The following TET2 variants were observed in gnomAD, a reference collection of about 807,000 sequenced individuals.
TET2 encodes tet methylcytosine dioxygenase 2.
In TET2, 299 loss-of-function variants were observed where a neutral mutation model predicts 142.9. The observed-to-expected ratio is 2.09, with a 90% CI of 1.90 to 2.30. The LOEUF is 2.30. TET2 is among the 30% of genes most tolerant of loss of function. TET2 has a pLI of 0.00. For synonymous variants in TET2, 819 were observed against 849.0 expected, an observed-to-expected ratio of 0.96 and a Z score of 0.61; for missense variants, 2,418 against 2,378.0, an observed-to-expected ratio of 1.02 and a Z score of -0.35.
rs1167258645 is a variant in TET2 at position 105,236,133 on chromosome 4, C to T, written c.2191C>T (p.Gln731Ter). The T allele has an allele frequency of 2.5e-6, 4 of 1,614,020 alleles. No individual in the cohort carries two copies. Among genetic ancestry groups the T allele is most frequent in the African/African-American group, 1.3e-5 (1 of 74,928 alleles). ...HKPHKQAAQT[Q>*]PSQSSHLPQN... ...GCCTCATAAACAGGCAGCACAAACA[C>T]AACCATCCCAGAGTTCACATCTCCC... Residue 731 changes from glutamine to a stop codon, truncating the protein, a stop_gained, in exon 3 of 11, where the codon CAA (glutamine) becomes TAA (stop). Coordinates refer to ENST00000380013, the MANE Select transcript of TET2 (RefSeq NM_001127208.3). LOFTEE classifies it high-confidence loss of function.
chr4:105,270,674 TTATA>T (rs3055846), intron 9 of TET2, among the ~76,000 whole-genome samples: 2,250 of 149,402 alleles, frequency 0.015, 60 homozygotes, highest in African/African-American at 0.049. Flanking sequence ...TAGATACATG[TTATA>T]TATATATATA....
At chr4:105,181,582 C>A (rs1329779203) in intron 1 of TET2, among the ~76,000 whole-genome samples, 1 of 152,180 alleles carries the variant, frequency 6.6e-6, no homozygotes, top group Non-Finnish European at 1.5e-5. Context: ...TTTAAAACTT[C>A]TTTAAAATGT....
intron 8 of TET2, among the ~76,000 whole-genome samples, chr4:105,263,009 A>G (rs1285279263): frequency 6.7e-6 from 1 of 150,120 alleles, no homozygotes; most frequent in Non-Finnish European, 1.5e-5. Context: ...ATCCTGGGTG[A>G]CAAAGATGAC....
At position 105,243,050 on chromosome 4, in the gene TET2, A is replaced by AT. The variant is rs563546491; in HGVS notation, c.3594+129dup. On this transcript the variant is annotated intron_variant, in intron 5 of 10. Transcript: ENST00000380013. The stretch of plus-strand genomic sequence containing the variant: ...GCCAGTTAAAAAGAACATTACCTGT[A>AT]TTTTTTATCATGTGTTATCTCTTAA... 4.4e-3 allele frequency: 3,298 copies of AT among 755,820 alleles called. 16 individuals carry two copies. The highest frequency in any genetic ancestry group is 6.0e-3 in the Non-Finnish European group (2,678 of 445,514). 46.8% of individuals were successfully genotyped at this position (755,820 alleles called of 1,614,324 possible). A position where few individuals can be genotyped will look rare whatever the true frequency, so the allele number is the denominator to read the frequency against.
chr4:105,234,745 C>A lies in TET2; in HGVS notation c.803C>A (p.Ser268Ter). 6.2e-7 allele frequency: 1 copy of A among 1,613,950 alleles called. No individual in the cohort carries two copies. Among genetic ancestry groups the A allele is most frequent in the South Asian group, 1.1e-5 (1 of 91,070 alleles). ...TTGTCCTGTGAGATCACTCACCCAT[C>A]GCATACCTCAGGGCAGATCAATTCC... The part of the protein sequence containing the change: ...NELSCEITHP[S>*]HTSGQINSAQ... The change falls in exon 3 of 11, where the codon TCG becomes TAG. Residue 268 changes from serine to a stop codon, truncating the protein, a stop_gained. Coordinates refer to ENST00000380013, the MANE Select transcript of TET2 (RefSeq NM_001127208.3). LOFTEE classifies it high-confidence loss of function.
intron 2 of TET2, among the ~76,000 whole-genome samples, chr4:105,201,707 T>C (rs1726479300): frequency 6.7e-6 from 1 of 149,180 alleles, no homozygotes; most frequent in East Asian, 2.0e-4. Context: ...AATGGTATCA[T>C]TAACAGAACA....
chr4:105,241,650 T>C (rs1380129588), intron 4 of TET2: 2 of 1,280,266 alleles, frequency 1.6e-6, no homozygotes, highest in African/African-American at 3.1e-5. Flanking sequence ...GGCTGCCCAC[T>C]TTGCGATGGA....
At chr4:105,224,359 T>C (rs1001505121) in intron 2 of TET2, among the ~76,000 whole-genome samples, 1 of 152,172 alleles carries the variant, frequency 6.6e-6, no homozygotes, top group African/African-American at 2.4e-5. Context: ...ACTAATGTGC[T>C]ATTTTTAAGT....
intron 2 of TET2, 95 bp downstream of exon 2, chr4:105,190,600 C>T (rs557685906): frequency 2.6e-5 from 17 of 645,614 alleles, no homozygotes; most frequent in African/African-American, 5.4e-5. Context: ...CTTCAAGTTA[C>T]CCTGCACCCT....
At chr4:105,261,164 A>T (rs768529442) in intron 7 of TET2, among the ~76,000 whole-genome samples, 4 of 152,014 alleles carry the variant, frequency 2.6e-5, no homozygotes, top group Non-Finnish European at 4.4e-5. Context: ...TTAACAGTAT[A>T]TTACTTGGAA....
chr4:105,260,162 T>TAATG, intron 7 of TET2, among the ~76,000 whole-genome samples: 1 of 152,016 alleles, frequency 6.6e-6, no homozygotes, highest in South Asian at 2.1e-4. Context: ...AAAGTCACTG[T>TAATG]AATGAATGCA....
intron 2 of TET2, among the ~76,000 whole-genome samples, chr4:105,229,410 A>C (rs1439795038): frequency 6.6e-6 from 1 of 152,166 alleles, no homozygotes; most frequent in Non-Finnish European, 1.5e-5. Flanking sequence ...TCCTGGGTTC[A>C]AATGATTCTC....
At chr4:105,185,772 C>A (rs1299493504) in intron 1 of TET2, among the ~76,000 whole-genome samples, 4 of 152,016 alleles carry the variant, frequency 2.6e-5, no homozygotes, top group Non-Finnish European at 5.9e-5. Flanking sequence ...GAGCAAGACT[C>A]TGTCTCTAAA....
intron 1 of TET2, among the ~76,000 whole-genome samples, chr4:105,152,578 TTTTC>T (rs202087309): frequency 0.13 from 16,869 of 130,708 alleles, 2,075 homozygotes; most frequent in African/African-American, 0.29. Context: ...TTCTTTTCCT[TTTTC>T]TTTCTTTCTT....
At chr4:105,226,957 G>A (rs1330940482) in intron 2 of TET2, among the ~76,000 whole-genome samples, 1 of 152,070 alleles carries the variant, frequency 6.6e-6, no homozygotes, top group Non-Finnish European at 1.5e-5. Flanking sequence ...AAATAATATG[G>A]CATGTATTTG....
rs2110249043 is a variant in TET2, at chr4:105,241,392, C to T, written c.3463C>T (p.Pro1155Ser). 1 of 1,550,492 alleles carries T rather than the reference C, an allele frequency of 6.4e-7. No homozygotes were observed. Residue 1155 changes from proline (P) to serine (S), a missense_variant, in exon 4 of 11, where the codon CCT becomes TCT. Pro to Ser is a moderately conservative substitution (Grantham distance 74, BLOSUM62 -1). Transcript: ENST00000380013. ...GPFYTHLGAG[P>S]NVAAIREIME... ...TTTTTATACCCATCTAGGAGCAGGTCCTAATGTGGCAGCTATTAGAGAAAT... is the reference window on the plus strand; with the variant it reads ...TTTTTATACCCATCTAGGAGCAGGTTCTAATGTGGCAGCTATTAGAGAAAT...
chr4:105,148,911 TTC>T (rs1553940726), intron 1 of TET2, among the ~76,000 whole-genome samples: 1 of 152,286 alleles, frequency 6.6e-6, no homozygotes, highest in East Asian at 1.9e-4. Flanking sequence ...CTTTGTAACT[TTC>T]TATTTTGATC....
intron 2 of TET2, among the ~76,000 whole-genome samples, chr4:105,230,841 AT>A (rs930241714): frequency 2.0e-5 from 3 of 152,048 alleles, no homozygotes; most frequent in African/African-American, 4.8e-5. Flanking sequence ...CAGTCATTAG[AT>A]TTTTTTAAGT....
intron 6 of TET2, among the ~76,000 whole-genome samples, chr4:105,244,570 G>A (rs896239762): frequency 1.4e-5 from 2 of 146,784 alleles, no homozygotes; most frequent in African/African-American, 2.5e-5. Context: ...GAATGTTCAC[G>A]GTGCTACACA....
Sources: gnomAD v4.1 joint callset for allele counts (sites outside exome capture counted in the v4.1 genomes callset) on GRCh38, gnomAD v4.1.1 for gene constraint, MANE v1.5 for transcripts, NCBI Gene and HGNC (gene_info 2026-07-23, HGNC 2026-07-21) for gene names.